Variants in NUP205 observed in about 807,000 individuals in gnomAD.
NUP205 encodes the protein nucleoporin 205.
NUP205 carries 76 observed loss-of-function variants against 253.8 expected under a neutral mutation model. The ratio of observed to expected loss-of-function variants is 0.30; its 90% CI spans 0.25 to 0.36. The LOEUF (loss-of-function observed/expected upper bound fraction) is 0.36. NUP205 is among the 10% of genes least tolerant of loss of function. NUP205 has a pLI of 1.00. For missense variants in NUP205, 2,162 were observed against 2,425.5 expected (o/e 0.89, Z 2.28); for synonymous variants, 832 against 850.1 (o/e 0.98, Z 0.37).
chr7:135,600,782 G>A, intron 15 of NUP205, 88 bp from the exon 16 acceptor site: 1 of 649,294 alleles, frequency 1.5e-6, no homozygotes, highest in Non-Finnish European at 2.7e-6. Flanking sequence ...TCATTTTCTG[G>A]AAAAAGAAGT....
At chr7:135,582,626 G>T (rs1215921953) in intron 7 of NUP205, among the ~76,000 whole-genome samples, 2 of 152,062 alleles carry the variant, frequency 1.3e-5, no homozygotes, top group Non-Finnish European at 2.9e-5. Flanking sequence ...TGGGACCACA[G>T]CTAATTCTTT....
chr7:135,618,231 CACACAT>C (rs1202049428), intron 27 of NUP205, among the ~76,000 whole-genome samples, 175 bp from the exon 28 acceptor site: 1 of 152,124 alleles, frequency 6.6e-6, no homozygotes, highest in Non-Finnish European at 1.5e-5. Flanking sequence ...TGCACATACA[CACACAT>C]ACACACCTTA....
intron 19 of NUP205, 147 bp downstream of exon 19, chr7:135,604,607 C>T: frequency 1.4e-6 from 1 of 718,486 alleles, no homozygotes; most frequent in Non-Finnish European, 2.2e-6. Context: ...TGGGTGAAAA[C>T]CTACCCACGA....
At chr7:135,562,588 G>A in intron 1 of NUP205, among the ~76,000 whole-genome samples, 1 of 108,646 alleles carries the variant, frequency 9.2e-6, no homozygotes, top group Non-Finnish European at 1.7e-5. Context: ...TGGCTCTGTT[G>A]CCAGGCTGGA....
chr7:135,600,333 A>G (rs568404653), intron 15 of NUP205, among the ~76,000 whole-genome samples: 7 of 152,270 alleles, frequency 4.6e-5, no homozygotes, highest in East Asian at 1.9e-4. Context: ...TTCTTTGACT[A>G]TAGTCACGGA....
chr7:135,589,109 A>G (rs1280579716), intron 10 of NUP205, among the ~76,000 whole-genome samples: 1 of 150,454 alleles, frequency 6.6e-6, no homozygotes, highest in Non-Finnish European at 1.5e-5. Context: ...GTTTGAGGTT[A>G]CAGTGAGATG....
intron 15 of NUP205, among the ~76,000 whole-genome samples, chr7:135,600,155 T>C (rs1433868164): frequency 2.0e-5 from 3 of 152,226 alleles, no homozygotes; most frequent in African/African-American, 7.2e-5. Context: ...TTCTATGTAG[T>C]GGATTTTTTA....
intron 26 of NUP205, 54 bp from the exon 27 acceptor site, chr7:135,617,548 T>A: frequency 7.5e-7 from 1 of 1,333,412 alleles, no homozygotes; most frequent in Non-Finnish European, 1.1e-6. Context: ...TAGGTGTTAC[T>A]GTTCTACCAG....
chr7:135,589,746 C>T (rs1806573124), intron 10 of NUP205, among the ~76,000 whole-genome samples: 1 of 151,206 alleles, frequency 6.6e-6, no homozygotes, highest in Non-Finnish European at 1.5e-5. Context: ...GTCTGAGCAA[C>T]ATGGTGAACC....
At chr7:135,631,874 C>G (rs59322005) in intron 35 of NUP205, among the ~76,000 whole-genome samples, 18,312 of 151,890 alleles carry the variant, frequency 0.12, 1,270 homozygotes, top group East Asian at 0.18. Flanking sequence ...CTCAGCCTCC[C>G]GAGCAGCTGG....
intron 12 of NUP205, 58 bp from the exon 13 acceptor site, chr7:135,594,489 G>A (rs111887936): frequency 1.0e-3 from 1,396 of 1,331,118 alleles, no homozygotes; most frequent in Non-Finnish European, 1.4e-3. Context: ...GATGATTGCT[G>A]GTCATTTTAA....
intron 25 of NUP205, 55 bp from the exon 26 acceptor site, chr7:135,617,035 T>C: frequency 7.5e-7 from 1 of 1,335,588 alleles, no homozygotes; most frequent in East Asian, 2.5e-5. Flanking sequence ...ATATGATGGC[T>C]TGCCTTTCTT....
chr7:135,616,077 T>C lies in NUP205; in HGVS notation c.3460+12T>C, dbSNP rs1281911340. The C allele has an allele frequency of 1.2e-6, 2 of 1,607,788 alleles. No individual in the cohort carries two copies. Among genetic ancestry groups the C allele is most frequent in the Non-Finnish European group, 1.7e-6 (2 of 1,176,788 alleles). The stretch of plus-strand genomic sequence containing the variant: ...GAAACCATACTCAGGTGAGTATTAG[T>C]ATTTGTTTTATTGTGCTGGTGACTA... On this transcript the variant is annotated intron_variant, in intron 24 of 42. Transcript: ENST00000285968.
chr7:135,562,406 CA>C (rs1032422473), intron 1 of NUP205, among the ~76,000 whole-genome samples: 1 of 151,918 alleles, frequency 6.6e-6, no homozygotes, highest in Non-Finnish European at 1.5e-5. Flanking sequence ...CCACGTTGGC[CA>C]GGGGTGCCTC....
intron 30 of NUP205, among the ~76,000 whole-genome samples, chr7:135,621,974 T>C (rs2129491537): frequency 6.6e-6 from 1 of 151,982 alleles, no homozygotes; most frequent in Non-Finnish European, 1.5e-5. Flanking sequence ...CACTAATTTT[T>C]TGTATTTTTA....
rs150360980 is a variant in NUP205, at chr7:135,623,826, C to T, written c.4479+901C>T. Among the ~76,000 whole-genome samples the T allele has an allele frequency of 2.6e-5, 4 of 152,188 alleles. No individual in the cohort carries two copies. The East Asian group carries it at 5.8e-4, about 22-fold the overall frequency. On this transcript the variant is annotated intron_variant, in intron 31 of 42. Coordinates refer to ENST00000285968, the MANE Select transcript of NUP205 (RefSeq NM_015135.3). The stretch of plus-strand genomic sequence containing the variant: ...GAGATGGAGTCTCGCTCTGTCGCCC[C>T]GGCTAGAGTGTAGTGGCGCAATCTC...
chr7:135,570,680 TTAA>T lies in NUP205; in HGVS notation c.29-423_29-421del, dbSNP rs1230411852. Among the ~76,000 whole-genome samples, 399 of 86,410 alleles carry T rather than the reference TTAA, an allele frequency of 4.6e-3. 1 individual carries two copies. The highest frequency in any genetic ancestry group is 6.4e-3 in the Non-Finnish European group (293 of 45,560). 56.7% of individuals were successfully genotyped at this position (86,410 alleles called of 152,430 possible). A position where few individuals can be genotyped will look rare whatever the true frequency, so the allele number is the denominator to read the frequency against. On this transcript the variant is annotated intron_variant, in intron 1 of 42. Coordinates refer to ENST00000285968, the MANE Select transcript of NUP205 (RefSeq NM_015135.3). Reference sequence around the variant, plus strand: ...ATTATATTAATATAATTAATATATATTAATTATATTAATATAATTAATTATATT... The same window carrying T: ...ATTATATTAATATAATTAATATATATTTATATTAATATAATTAATTATATT...
At chr7:135,588,065 C>T in intron 10 of NUP205, 73 bp downstream of exon 10, 1 of 1,330,638 alleles carries the variant, frequency 7.5e-7, no homozygotes, top group South Asian at 1.7e-5. Context: ...AAAGATATTA[C>T]TTCCTGATTT....
chr7:135,638,157 C>A, intron 37 of NUP205, 98 bp downstream of exon 37: 1 of 1,336,642 alleles, frequency 7.5e-7, no homozygotes, highest in Non-Finnish European at 1.0e-6. Flanking sequence ...CGCCTATAAT[C>A]CCAGCACTTT....
Sources: allele counts gnomAD v4.1 joint callset (sites outside exome capture counted in the v4.1 genomes callset), GRCh38; gene constraint gnomAD v4.1.1; transcripts MANE v1.5; gene names NCBI Gene and HGNC (gene_info 2026-07-23, HGNC 2026-07-21).